Variants in SLC25A27 observed in about 807,000 individuals in gnomAD.
SLC25A27 encodes the protein mitochondrial uncoupling protein 4.
Under a neutral mutation model 49.1 loss-of-function variants are expected in SLC25A27, and 35 were observed. The observed-to-expected ratio is 0.71, with a 90% CI of 0.54 to 0.95. The LOEUF is 0.95. Among genes scored for constraint, SLC25A27 ranks in the 40% least tolerant of loss-of-function variants. The pLI is 0.00. For synonymous variants in SLC25A27, 144 were observed against 136.9 expected, an observed-to-expected ratio of 1.05 and a Z score of -0.36; for missense variants, 339 against 397.1, an observed-to-expected ratio of 0.85 and a Z score of 1.24.
chr6:46,653,452 G>A, intron 1 of SLC25A27, 154 bp downstream of exon 1: 2 of 985,414 alleles, frequency 2.0e-6, no homozygotes, highest in South Asian at 4.7e-5. Context: ...CCAGGCCCGC[G>A]GTGGGAGGAG....
chr6:46,672,589 A>C (rs1763596233), intron 8 of SLC25A27, among the ~76,000 whole-genome samples: 1 of 152,128 alleles, frequency 6.6e-6, no homozygotes, highest in East Asian at 1.9e-4. Context: ...ATGGTTGGAG[A>C]AGATAAGGAA....
At chr6:46,669,258 GA>G (rs997217667) in intron 6 of SLC25A27, among the ~76,000 whole-genome samples, 5 of 152,048 alleles carry the variant, frequency 3.3e-5, no homozygotes, top group African/African-American at 9.7e-5. Flanking sequence ...TCAGGGGAAG[GA>G]AAAAACATAA....
At chr6:46,668,511 G>A (rs1393531936) in intron 5 of SLC25A27, among the ~76,000 whole-genome samples, 198 bp from the exon 6 acceptor site, 3 of 152,152 alleles carry the variant, frequency 2.0e-5, no homozygotes, top group African/African-American at 7.2e-5. Flanking sequence ...AGATTAAGGA[G>A]TCTAAATGAT....
intron 5 of SLC25A27, among the ~76,000 whole-genome samples, chr6:46,668,484 T>C (rs1763396149): frequency 6.6e-6 from 1 of 152,230 alleles, no homozygotes. Context: ...GGGGTTGAGC[T>C]GAATTTAGGC....
rs2150664790 is a variant in SLC25A27 at position 46,676,407 on chromosome 6, C to T, written c.925C>T (p.Leu309Phe). 2 of 1,613,920 alleles carry T rather than the reference C, an allele frequency of 1.2e-6. No homozygotes were observed. The highest frequency in any genetic ancestry group is 4.5e-5 in the East Asian group (2 of 44,878). Residue 309 changes from leucine to phenylalanine, a missense_variant, in exon 9 of 9, where the codon CTT (leucine) becomes TTT (phenylalanine). Leu to Phe is a conservative substitution (Grantham distance 22). Transcript: ENST00000371347. ...RMTPWSMVFW[L>F]TYEKIREMSG... Reference sequence around the variant, plus strand: ...GACCCCTTGGTCAATGGTGTTCTGGCTTACTTATGAAAAAATCAGAGAGAT... The same window carrying T: ...GACCCCTTGGTCAATGGTGTTCTGGTTTACTTATGAAAAAATCAGAGAGAT...
chr6:46,669,793 G>A (rs909555400), intron 6 of SLC25A27, among the ~76,000 whole-genome samples: 1 of 152,008 alleles, frequency 6.6e-6, no homozygotes, highest in Admixed American at 6.6e-5. Flanking sequence ...ACTTCCCCAT[G>A]TTTTTTTCAT....
At chr6:46,666,213 G>T (rs1763321421) in intron 5 of SLC25A27, among the ~76,000 whole-genome samples, 1 of 152,112 alleles carries the variant, frequency 6.6e-6, no homozygotes, top group Non-Finnish European at 1.5e-5. Flanking sequence ...CCCATGCCAT[G>T]TTGTATTATA....
chr6:46,658,866 A>G (rs1288944426), intron 2 of SLC25A27, 96 bp from the exon 3 acceptor site: 1 of 881,050 alleles, frequency 1.1e-6, no homozygotes, highest in Admixed American at 1.7e-5. Context: ...AGAGAGATTG[A>G]CTAGGCCATG....
intron 1 of SLC25A27, 95 bp downstream of exon 1, chr6:46,653,393 C>T (rs1762835111): frequency 1.4e-6 from 2 of 1,460,790 alleles, no homozygotes; most frequent in Non-Finnish European, 1.8e-6. Flanking sequence ...CAGTGCGCAT[C>T]GGAGAGGTCG....
chr6:46,669,665 C>G (rs974640271), intron 6 of SLC25A27, among the ~76,000 whole-genome samples: 1 of 152,146 alleles, frequency 6.6e-6, no homozygotes, highest in Non-Finnish European at 1.5e-5. Context: ...ACTGTTCTAT[C>G]TTCTTGTAAC....
At chr6:46,660,649 G>GTTTCAAT in intron 3 of SLC25A27, among the ~76,000 whole-genome samples, 1 of 152,162 alleles carries the variant, frequency 6.6e-6, no homozygotes, top group Non-Finnish European at 1.5e-5. Context: ...TTGAAAGCAT[G>GTTTCAAT]AGGTGGGTTT....
chr6:46,654,087 T>C, intron 1 of SLC25A27: 2 of 984,822 alleles, frequency 2.0e-6, no homozygotes, highest in Non-Finnish European at 2.4e-6. Flanking sequence ...CCATCTAGAG[T>C]GGAATGATGA....
intron 6 of SLC25A27, 145 bp downstream of exon 6, chr6:46,668,938 T>A: frequency 1.8e-6 from 1 of 544,996 alleles, no homozygotes. Flanking sequence ...AGAAATTTCT[T>A]AAAGTTTCTT....
chr6:46,677,845 A>G lies in SLC25A27; in HGVS notation c.*1391A>G, dbSNP rs1763852021. 1 of 152,492 alleles carries G rather than the reference A, an allele frequency of 6.6e-6. No individual in the cohort carries two copies. The highest frequency in any genetic ancestry group is 1.5e-5 in the Non-Finnish European group (1 of 68,020). 9.4% of individuals were successfully genotyped at this position (152,492 alleles called of 1,614,324 possible). A position where few individuals can be genotyped will look rare whatever the true frequency, so the allele number is the denominator to read the frequency against. On this transcript the variant is annotated 3_prime_UTR_variant, in exon 9 of 9. Coordinates refer to ENST00000371347, the MANE Select transcript of SLC25A27 (RefSeq NM_004277.5). ...TTTACAAGTGCTTTGTGGTTGCACT[A>G]ATGTATACTCACTGCCATTTTAAGA...
chr6:46,671,816 T>A (rs1763557333), intron 8 of SLC25A27, among the ~76,000 whole-genome samples: 1 of 151,988 alleles, frequency 6.6e-6, no homozygotes, highest in Non-Finnish European at 1.5e-5. Flanking sequence ...TAGAATTAGA[T>A]AGACTTGTTT....
chr6:46,670,071 T>A, intron 6 of SLC25A27, 64 bp from the exon 7 acceptor site: 2 of 985,304 alleles, frequency 2.0e-6, no homozygotes. Context: ...GAATACCACA[T>A]TCCCTTTCCT....
Position 46,670,213 on chromosome 6 carries a change from A to C in SLC25A27, c.783A>C (p.Arg261=), listed in dbSNP as rs1188297464. ...VIKSRIMNQP[R]DKQGRGLLYK... is the part of the protein sequence containing the mutation. ...AAAGCAGAATAATGAATCAACCACG[A>C]GATAAACAAGGAAGGTAGATAAAAA... is the stretch of plus-strand genomic sequence containing the variant. The change falls in exon 7 of 9, where the codon CGA becomes CGC. Residue 261 remains arginine (R), a synonymous_variant. Coordinates refer to ENST00000371347, the MANE Select transcript of SLC25A27 (RefSeq NM_004277.5). The C allele has an allele frequency of 6.2e-7, 1 of 1,611,702 alleles. No homozygotes were observed. Among genetic ancestry groups the C allele is most frequent in the South Asian group, 1.1e-5 (1 of 90,782 alleles).
rs925667659 is a variant in SLC25A27 at position 46,677,362 on chromosome 6, T to A, written c.*908T>A. The A allele has an allele frequency of 6.6e-6, 1 of 152,354 alleles. No individual in the cohort carries two copies. The highest frequency in any genetic ancestry group is 1.9e-4 in the East Asian group (1 of 5,192). 9.4% of individuals were successfully genotyped at this position (152,354 alleles called of 1,614,324 possible). A position where few individuals can be genotyped will look rare whatever the true frequency, so the allele number is the denominator to read the frequency against. On this transcript the variant is annotated 3_prime_UTR_variant, in exon 9 of 9. Transcript: ENST00000371347. ...GTTAAACATCAGCCTTTCATTGGTATTTTAAAAGCAAGGCAGATAGATATG... is the reference window on the plus strand; with the variant it reads ...GTTAAACATCAGCCTTTCATTGGTAATTTAAAAGCAAGGCAGATAGATATG...
At chr6:46,668,948 T>G (rs1346808892) in intron 6 of SLC25A27, among the ~76,000 whole-genome samples, 155 bp downstream of exon 6, 1 of 152,208 alleles carries the variant, frequency 6.6e-6, no homozygotes, top group Non-Finnish European at 1.5e-5. Context: ...TAAAGTTTCT[T>G]GCAGTTAGAA....
Sources: gnomAD v4.1 joint callset for allele counts (sites outside exome capture counted in the v4.1 genomes callset) on GRCh38, gnomAD v4.1.1 for gene constraint, MANE v1.5 for transcripts, NCBI Gene and HGNC (gene_info 2026-07-23, HGNC 2026-07-21) for gene names.